The following CMC2 variants were observed in gnomAD, a reference collection of about 807,000 sequenced individuals.
CMC2 encodes the protein COX assembly mitochondrial protein 2 homolog.
In CMC2, 5 loss-of-function variants were observed where a neutral mutation model predicts 7.5. The ratio of observed to expected loss-of-function variants is 0.66; its 90% CI spans 0.35 to 1.40. The LOEUF is 1.40. Among genes scored for constraint, CMC2 ranks in the 40% most tolerant of loss-of-function variants. The pLI is 0.04. For missense variants in CMC2, 115 were observed against 92.3 expected (o/e 1.25, Z -1.01); for synonymous variants, 37 against 31.4 (o/e 1.18, Z -0.60).
intron 2 of CMC2, among the ~76,000 whole-genome samples, chr16:80,986,838 C>G (rs1405071286): frequency 6.6e-6 from 1 of 152,238 alleles, no homozygotes; most frequent in African/African-American, 2.4e-5. Flanking sequence ...CACTATCTAG[C>G]TGAGATAAAC....
At chr16:80,976,586 T>A (rs1912384718) in intron 3 of CMC2, among the ~76,000 whole-genome samples, 1 of 152,226 alleles carries the variant, frequency 6.6e-6, no homozygotes, top group African/African-American at 2.4e-5. Flanking sequence ...GAGGCTCACT[T>A]CCTTGAGAGG....
chr16:80,980,608 G>A (rs1967038063), intron 3 of CMC2, among the ~76,000 whole-genome samples: 1 of 149,622 alleles, frequency 6.7e-6, no homozygotes, highest in Non-Finnish European at 1.5e-5. Context: ...ACACTAATAA[G>A]GCTGGGAATG....
At chr16:80,993,375 C>T (rs1365251120) in intron 2 of CMC2, among the ~76,000 whole-genome samples, 2 of 152,084 alleles carry the variant, frequency 1.3e-5, no homozygotes, top group Admixed American at 1.3e-4. Flanking sequence ...TTTCACCGAG[C>T]AGAGGAGGCA....
intron 1 of CMC2, among the ~76,000 whole-genome samples, chr16:80,999,125 G>A (rs758472741): frequency 3.3e-5 from 5 of 152,044 alleles, no homozygotes; most frequent in African/African-American, 4.8e-5. Flanking sequence ...AAAGGCATCC[G>A]AATAAGAAAA....
Position 80,976,059 on chromosome 16 carries a change from TTC to T in CMC2, c.*32_*33del. ...GGTATCAACCCAGAGTCTTTAGGTCTTCTCTCAGCCAAGGCATCGAGTGAAAA... is the reference window on the plus strand; with the variant it reads ...GGTATCAACCCAGAGTCTTTAGGTCTTCTCAGCCAAGGCATCGAGTGAAAA... On this transcript the variant is annotated 3_prime_UTR_variant, in exon 4 of 4. Transcript: ENST00000219400. 1 of 1,240,670 alleles carries T rather than the reference TTC, an allele frequency of 8.1e-7. No homozygotes were observed. Among genetic ancestry groups the T allele is most frequent in the East Asian group, 2.3e-5 (1 of 42,960 alleles). The allele number at this position is 1,240,670 out of a possible 1,614,324, so 76.9% of individuals were successfully genotyped here. A position where few individuals can be genotyped will look rare whatever the true frequency, so the allele number is the denominator to read the frequency against.
In CMC2 at chr16:80,976,715, C is replaced by T. The variant is rs369450728; in HGVS notation, c.154-536G>A. On this transcript the variant is annotated intron_variant, in intron 3 of 3. Transcript: ENST00000219400. ...TGTCTAACTGTTGGACAATTCTACTCGTTCCAAAGTTTTTCATTTTAAACC... is the reference window on the plus strand; with the variant it reads ...TGTCTAACTGTTGGACAATTCTACTTGTTCCAAAGTTTTTCATTTTAAACC... 7.9e-5 allele frequency among the ~76,000 whole-genome samples: 12 copies of T among 152,290 alleles called. No individual in the cohort carries two copies. The East Asian group carries it at 1.9e-3, about 24-fold the overall frequency.
At chr16:80,986,580 T>C (rs1355007862) in intron 2 of CMC2, among the ~76,000 whole-genome samples, 1 of 152,210 alleles carries the variant, frequency 6.6e-6, no homozygotes, top group East Asian at 1.9e-4. Flanking sequence ...AGAAGTCCTT[T>C]ACAGGTGGCC....
chr16:81,006,037 G>A (rs1175066242), intron 1 of CMC2, among the ~76,000 whole-genome samples: 1 of 152,126 alleles, frequency 6.6e-6, no homozygotes. Flanking sequence ...GAGGAGATAC[G>A]AATGGCATCA....
intron 2 of CMC2, among the ~76,000 whole-genome samples, chr16:80,987,128 C>A (rs149271297): frequency 3.9e-5 from 6 of 152,178 alleles, no homozygotes; most frequent in African/African-American, 1.4e-4. Context: ...AGTTTTGGGA[C>A]CCTAGTGAGG....
chr16:81,005,213 G>C (rs140221897), intron 1 of CMC2, among the ~76,000 whole-genome samples: 2 of 152,306 alleles, frequency 1.3e-5, no homozygotes, highest in South Asian at 2.1e-4. Context: ...CAGATCACTT[G>C]AGGTCAGGAC....
At chr16:81,006,136 A>G (rs951856094) in intron 1 of CMC2, among the ~76,000 whole-genome samples, 1 of 152,228 alleles carries the variant, frequency 6.6e-6, no homozygotes, top group Non-Finnish European at 1.5e-5. Flanking sequence ...GACTCTACGT[A>G]AAACGCCTGA....
At chr16:81,006,511 G>T (rs1969355479) in intron 1 of CMC2, 2 of 171,560 alleles carry the variant, frequency 1.2e-5, no homozygotes, top group African/African-American at 2.4e-5. Flanking sequence ...CGACGCCCAC[G>T]GCCTGTCTCG....
At chr16:80,986,486 A>G (rs1005313388) in intron 2 of CMC2, among the ~76,000 whole-genome samples, 8 of 152,186 alleles carry the variant, frequency 5.3e-5, no homozygotes, top group African/African-American at 1.9e-4. Flanking sequence ...CAATGATTAA[A>G]CTTATTTTTG....
intron 2 of CMC2, among the ~76,000 whole-genome samples, chr16:80,987,542 A>T (rs923358604): frequency 2.6e-5 from 4 of 152,226 alleles, no homozygotes; most frequent in African/African-American, 7.2e-5. Flanking sequence ...TTACCTTCAG[A>T]TGCAAAGAAT....
At chr16:80,995,872 C>T (rs1001309021) in intron 2 of CMC2, among the ~76,000 whole-genome samples, 4 of 152,024 alleles carry the variant, frequency 2.6e-5, no homozygotes, top group Admixed American at 2.6e-4. Context: ...TGACAAAACT[C>T]ATCAAACTGT....
In CMC2 at chr16:80,981,877, G is replaced by A. The variant is rs1567510064; in HGVS notation, c.82C>T (p.His28Tyr). The A allele has an allele frequency of 1.2e-6, 2 of 1,602,440 alleles. No individual in the cohort carries two copies. The highest frequency in any genetic ancestry group is 1.7e-6 in the Non-Finnish European group (2 of 1,171,136). Reference protein sequence around the residue: ...INLLKECHKNHNILKFFGYCN... With the variant: ...INLLKECHKNYNILKFFGYCN... ...TAACCAAAAAATTTCAGAATGTTGT[G>A]CTAAAAGGAAGAAAAGGAGTAAAAT... is the stretch of plus-strand genomic sequence containing the variant. The change falls in exon 3 of 4, where the codon CAC becomes TAC. Residue 28 changes from histidine (H) to tyrosine (Y), a missense_variant and splice_region_variant. Coordinates refer to ENST00000219400, the MANE Select transcript of CMC2 (RefSeq NM_020188.5).
chr16:80,994,841 T>TCA (rs1968277432), intron 2 of CMC2, among the ~76,000 whole-genome samples: 2 of 152,182 alleles, frequency 1.3e-5, no homozygotes, highest in African/African-American at 2.4e-5. Flanking sequence ...AAAATGATGT[T>TCA]TACACAAAGA....
At chr16:80,986,987 A>T (rs1459090790) in intron 2 of CMC2, among the ~76,000 whole-genome samples, 1 of 152,200 alleles carries the variant, frequency 6.6e-6, no homozygotes, top group Non-Finnish European at 1.5e-5. Flanking sequence ...AAACCAGGGA[A>T]GAGAAAGTTA....
At chr16:81,004,686 G>A (rs773178837) in intron 1 of CMC2, among the ~76,000 whole-genome samples, 1 of 152,232 alleles carries the variant, frequency 6.6e-6, no homozygotes, top group Non-Finnish European at 1.5e-5. Flanking sequence ...TAAGCTGGGA[G>A]GGTAGAAGCG....
Sources: gnomAD v4.1 joint callset for allele counts (sites outside exome capture counted in the v4.1 genomes callset) on GRCh38, gnomAD v4.1.1 for gene constraint, MANE v1.5 for transcripts, NCBI Gene and HGNC (gene_info 2026-07-23, HGNC 2026-07-21) for gene names.